FBXW8: variants seen among roughly 807,000 people sequenced by gnomAD.
FBXW8 encodes F-box/WD repeat-containing protein 8.
In FBXW8, 57 loss-of-function variants were observed where a neutral mutation model predicts 65.3. The ratio of observed to expected loss-of-function variants is 0.87; its 90% CI spans 0.71 to 1.09. The LOEUF (loss-of-function observed/expected upper bound fraction) is 1.09. FBXW8 is among the 50% of genes least tolerant of loss of function. The probability of loss-of-function intolerance (pLI) is 0.00; values close to 1 mark genes in which losing one functional copy is unlikely to be tolerated. For missense variants in FBXW8, 777 were observed against 814.8 expected, an observed-to-expected ratio of 0.95 and a Z score of 0.57; for synonymous variants, 308 against 330.2, an observed-to-expected ratio of 0.93 and a Z score of 0.73.
chr12:117,012,700 T>C (rs1361090180), intron 8 of FBXW8, among the ~76,000 whole-genome samples: 1 of 152,150 alleles, frequency 6.6e-6, no homozygotes, highest in Non-Finnish European at 1.5e-5. Flanking sequence ...TCAAATATTA[T>C]GAGGAGAACT....
At chr12:117,009,101 G>A (rs1953745005) in intron 7 of FBXW8, among the ~76,000 whole-genome samples, 2 of 152,108 alleles carry the variant, frequency 1.3e-5, no homozygotes, top group Admixed American at 6.5e-5. Flanking sequence ...GCTGGGTGCA[G>A]TGGCTCAGGC....
At chr12:116,935,927 G>A (rs1051715057) in intron 2 of FBXW8, among the ~76,000 whole-genome samples, 4 of 152,162 alleles carry the variant, frequency 2.6e-5, no homozygotes, top group African/African-American at 9.7e-5. Flanking sequence ...ATCTCATTTG[G>A]TTATTTATAT....
intron 4 of FBXW8, among the ~76,000 whole-genome samples, chr12:116,954,657 A>G (rs1179484923): frequency 6.6e-6 from 1 of 152,172 alleles, no homozygotes; most frequent in Non-Finnish European, 1.5e-5. Flanking sequence ...TGCAATCCTG[A>G]TTGTTTTCCT....
chr12:116,968,350 T>A (rs1884451337), intron 5 of FBXW8, among the ~76,000 whole-genome samples: 1 of 152,202 alleles, frequency 6.6e-6, no homozygotes, highest in African/African-American at 2.4e-5. Flanking sequence ...AGTGTGTATA[T>A]TCTTATTGCC....
intron 1 of FBXW8, among the ~76,000 whole-genome samples, chr12:116,919,596 C>A (rs577397586): frequency 6.6e-6 from 1 of 152,308 alleles, no homozygotes; most frequent in Admixed American, 6.5e-5. Flanking sequence ...CCCTTAGCTT[C>A]CGCCTCTTGT....
At chr12:117,024,029 C>G in intron 8 of FBXW8, 118 bp from the exon 9 acceptor site, 1 of 1,006,164 alleles carries the variant, frequency 9.9e-7, no homozygotes, top group Non-Finnish European at 1.4e-6. Context: ...TTGTTTGCAG[C>G]TGAGGAGTTT....
rs1479302251 is a variant in FBXW8, at chr12:117,028,157, C to T, written c.1782C>T (p.Pro594=). 1.2e-6 allele frequency: 2 copies of T among 1,614,110 alleles called. No individual in the cohort carries two copies. The highest frequency in any genetic ancestry group is 8.5e-7 in the Non-Finnish European group (1 of 1,180,000). The change falls in exon 11 of 11, where the codon CCC becomes CCT. Residue 594 remains proline, a synonymous_variant. Coordinates refer to ENST00000652555, the MANE Select transcript of FBXW8 (RefSeq NM_153348.3). The surrounding 1 kb of genome is among the most constrained non-coding windows in gnomAD (Gnocchi z 4.1). ...ACTACGACCTCGCACTGGCCTTTCC[C>T]TATAACCATGTTTAGGGATGTGCCT... The part of the protein sequence containing the change: ...THYYDLALAF[P]YNHV
chr12:116,924,537 G>A (rs1298830020), intron 1 of FBXW8, among the ~76,000 whole-genome samples: 1 of 152,082 alleles, frequency 6.6e-6, no homozygotes, highest in Non-Finnish European at 1.5e-5. Flanking sequence ...CTGTCTAGCT[G>A]CACTTTTATA....
intron 7 of FBXW8, chr12:117,003,208 A>G (rs1195369522): frequency 1.3e-5 from 2 of 152,246 alleles, no homozygotes; most frequent in African/African-American, 4.8e-5. Flanking sequence ...TAAGGCCAGC[A>G]TAGCAGTCGC....
chr12:116,970,683 A>G (rs918450043), intron 5 of FBXW8, among the ~76,000 whole-genome samples: 1 of 152,250 alleles, frequency 6.6e-6, no homozygotes, highest in African/African-American at 2.4e-5. Flanking sequence ...ATGTGATGAC[A>G]TGGCCTTTGA....
chr12:116,945,313 G>C (rs1565907641), intron 2 of FBXW8, 51 bp from the exon 3 acceptor site: 1 of 1,572,548 alleles, frequency 6.4e-7, no homozygotes. Context: ...GGATGACAAG[G>C]GGCTTCTCTA....
intron 5 of FBXW8, among the ~76,000 whole-genome samples, chr12:116,975,782 G>T (rs908106160): frequency 1.3e-5 from 2 of 152,144 alleles, no homozygotes; most frequent in African/African-American, 4.8e-5. Flanking sequence ...CACAATAAAT[G>T]AGCAGTACTT....
intron 1 of FBXW8, among the ~76,000 whole-genome samples, chr12:116,921,676 AAT>A (rs1880912322): frequency 6.6e-6 from 1 of 152,168 alleles, no homozygotes; most frequent in Admixed American, 6.5e-5. Context: ...TTACTTTAAA[AAT>A]GTGTTGCTTT....
chr12:117,001,560 T>G (rs963209287), intron 7 of FBXW8, among the ~76,000 whole-genome samples: 5 of 152,222 alleles, frequency 3.3e-5, no homozygotes, highest in African/African-American at 1.2e-4. Flanking sequence ...CAAGTTGCCT[T>G]TAATTTTAAA....
chr12:116,953,202 A>G (rs1883397664), intron 4 of FBXW8, among the ~76,000 whole-genome samples: 1 of 152,166 alleles, frequency 6.6e-6, no homozygotes, highest in African/African-American at 2.4e-5. Flanking sequence ...TCTGTTCTCT[A>G]CTTTCTTAGT....
intron 8 of FBXW8, among the ~76,000 whole-genome samples, chr12:117,019,771 T>G (rs1351537834): frequency 1.3e-5 from 2 of 152,160 alleles, no homozygotes; most frequent in Non-Finnish European, 2.9e-5. Flanking sequence ...GAATTCTTGT[T>G]TTTTAAACAT....
chr12:116,953,407 T>C (rs1045742927), intron 4 of FBXW8, among the ~76,000 whole-genome samples: 13 of 152,188 alleles, frequency 8.5e-5, no homozygotes, highest in Non-Finnish European at 4.4e-5. Context: ...CAGCCCTCAT[T>C]TGCTGCTCTG....
chr12:117,004,870 T>C (rs1285155125), intron 7 of FBXW8, among the ~76,000 whole-genome samples: 1 of 152,230 alleles, frequency 6.6e-6, no homozygotes, highest in Non-Finnish European at 1.5e-5. Context: ...CTTAACTTCC[T>C]GGGTTTCGTG....
At chr12:116,949,467 C>T (rs1883128600) in intron 3 of FBXW8, 151 bp from the exon 4 acceptor site, 1 of 676,086 alleles carries the variant, frequency 1.5e-6, no homozygotes, top group African/African-American at 1.8e-5. Context: ...TAGTCATCAT[C>T]TTTGTCTTTT....
Sources: gnomAD v4.1 joint callset for allele counts (sites outside exome capture counted in the v4.1 genomes callset) on GRCh38, gnomAD v4.1.1 for gene constraint, Gnocchi (gnomAD v3.1) non-coding constraint, MANE v1.5 for transcripts, NCBI Gene and HGNC (gene_info 2026-07-23, HGNC 2026-07-21) for gene names.